RERE: variants seen among roughly 807,000 people sequenced by gnomAD.
RERE encodes the protein arginine-glutamic acid dipeptide repeats, also known as arginine-glutamic acid dipeptide repeats protein.
RERE carries 40 observed loss-of-function variants against 146.1 expected under a neutral mutation model. That is an observed-to-expected ratio of 0.27 (90% confidence interval 0.21 to 0.36). RERE has a LOEUF of 0.36. Among genes scored for constraint, RERE ranks in the 10% least tolerant of loss-of-function variants. The pLI, the probability that RERE is intolerant of heterozygous loss-of-function variation, is 1.00. For synonymous variants in RERE, 1,003 were observed against 866.0 expected (o/e 1.16, Z -2.78); for missense variants, 1,933 against 2,138.7 (o/e 0.90, Z 1.90).
At chr1:8,437,053 T>C (rs1644179299) in intron 11 of RERE, among the ~76,000 whole-genome samples, 1 of 152,216 alleles carries the variant, frequency 6.6e-6, no homozygotes, top group Non-Finnish European at 1.5e-5. Context: ...TATCATAAAT[T>C]CCTAAAATAA....
chr1:8,516,208 G>A (rs1032013313), intron 7 of RERE, among the ~76,000 whole-genome samples: 1 of 93,146 alleles, frequency 1.1e-5, no homozygotes, highest in Non-Finnish European at 2.0e-5. Flanking sequence ...CTGGGGGACG[G>A]AGCAAGACTC....
At chr1:8,498,469 G>A (rs552210855) in intron 8 of RERE, among the ~76,000 whole-genome samples, 9 of 151,982 alleles carry the variant, frequency 5.9e-5, no homozygotes, top group Admixed American at 5.9e-4. Flanking sequence ...GCTGAGGTGG[G>A]TGGATCACCT....
chr1:8,398,607 T>G (rs1259204796), intron 12 of RERE, among the ~76,000 whole-genome samples: 1 of 152,230 alleles, frequency 6.6e-6, no homozygotes, highest in African/African-American at 2.4e-5. Context: ...TCATGCGTAT[T>G]TATGTTTTGA....
chr1:8,368,281 C>G, intron 12 of RERE, among the ~76,000 whole-genome samples: 2 of 151,832 alleles, frequency 1.3e-5, no homozygotes. Context: ...ACCATCCTGG[C>G]TAACATGGTG....
At chr1:8,465,655 CTT>C in intron 11 of RERE, 1 of 525,308 alleles carries the variant, frequency 1.9e-6, no homozygotes, top group South Asian at 1.6e-5. Flanking sequence ...TTCAAATTAA[CTT>C]TTTTTAGGAG....
rs115815377 is a variant in RERE at position 8,594,752 on chromosome 1, A to C, written c.522+19809T>G. ...TTTAGCATAAATAAGACTTCTGAGA[A>C]TCACTGGCAATCAGATGCGCTCTGA... On this transcript the variant is annotated intron_variant, in intron 4 of 22. Transcript: ENST00000400908. Among the ~76,000 whole-genome samples, 480 of 152,338 alleles carry C rather than the reference A, an allele frequency of 3.2e-3. 2 individuals are homozygous for C. The highest frequency in any genetic ancestry group is 0.011 in the African/African-American group (458 of 41,582).
At chr1:8,615,433 A>G (rs1646841542) in intron 3 of RERE, among the ~76,000 whole-genome samples, 1 of 152,224 alleles carries the variant, frequency 6.6e-6, no homozygotes, top group Admixed American at 6.5e-5. Context: ...AACCAGGAAA[A>G]AAAAGACTAT....
intron 1 of RERE, among the ~76,000 whole-genome samples, chr1:8,668,467 T>C (rs1002391376): frequency 1.3e-5 from 2 of 152,162 alleles, no homozygotes; most frequent in Admixed American, 6.5e-5. Flanking sequence ...CAAATGCCGA[T>C]GAAACCAAAT....
At chr1:8,427,767 G>C (rs533044378) in intron 11 of RERE, among the ~76,000 whole-genome samples, 1 of 152,118 alleles carries the variant, frequency 6.6e-6, no homozygotes, top group African/African-American at 2.4e-5. Context: ...TTAGCTTGTG[G>C]TTTACCAGAA....
At chr1:8,482,903 G>A (rs1418001446) in intron 10 of RERE, among the ~76,000 whole-genome samples, 1 of 152,052 alleles carries the variant, frequency 6.6e-6, no homozygotes, top group Non-Finnish European at 1.5e-5. Flanking sequence ...ATATTATTAT[G>A]CTAATAATCA....
At chr1:8,465,543 A>C (rs1428043166) in intron 11 of RERE, 1 of 348,446 alleles carries the variant, frequency 2.9e-6, no homozygotes, top group Non-Finnish European at 5.7e-6. Flanking sequence ...TGATTAAAAA[A>C]AAGACAAGTC....
rs554032737 is a variant in RERE, at chr1:8,373,399, G to A, written c.1285-7425C>T. 2.6e-5 allele frequency among the ~76,000 whole-genome samples: 4 copies of A among 152,226 alleles called. No homozygotes were observed. In the South Asian group the frequency reaches 8.3e-4, roughly 32 times the overall value. ...TGGTGGTCCACGTAAAGGGGATGAA[G>A]AAATCCACCCCTTCCTTACTGAAGT... is the stretch of plus-strand genomic sequence containing the variant. On this transcript the variant is annotated intron_variant, in intron 12 of 22. Coordinates refer to ENST00000400908, the MANE Select transcript of RERE (RefSeq NM_001042681.2).
Position 8,503,690 on chromosome 1 carries a change from T to C in RERE, c.879+4937A>G, listed in dbSNP as rs1348880121. 3.3e-5 allele frequency among the ~76,000 whole-genome samples: 5 copies of C among 152,260 alleles called. No homozygotes were observed. In the East Asian group the frequency reaches 7.7e-4, roughly 23 times the overall value. ...AGGGAATGAAAATAAGAAGCTTAAATAATAATAATCTCATTAAAACTACAC... is the reference window on the plus strand; with the variant it reads ...AGGGAATGAAAATAAGAAGCTTAAACAATAATAATCTCATTAAAACTACAC... On this transcript the variant is annotated intron_variant, in intron 8 of 22. Coordinates refer to ENST00000400908, the MANE Select transcript of RERE (RefSeq NM_001042681.2).
chr1:8,480,763 TA>T (rs1210747764), intron 10 of RERE, among the ~76,000 whole-genome samples: 1 of 152,132 alleles, frequency 6.6e-6, no homozygotes, highest in African/African-American at 2.4e-5. Context: ...GTAAAAAGGC[TA>T]AAGGTTTTTT....
At chr1:8,534,490 C>T (rs367742477) in intron 7 of RERE, among the ~76,000 whole-genome samples, 2 of 152,086 alleles carry the variant, frequency 1.3e-5, no homozygotes, top group Non-Finnish European at 2.9e-5. Context: ...TACAAACACA[C>T]GCACTCCCTA....
At chr1:8,716,377 G>A (rs1639765616) in intron 1 of RERE, among the ~76,000 whole-genome samples, 1 of 151,808 alleles carries the variant, frequency 6.6e-6, no homozygotes, top group South Asian at 2.1e-4. Context: ...TTGAGAGCCT[G>A]AAGGATCACT....
At chr1:8,774,019 C>T (rs1047484588) in intron 1 of RERE, among the ~76,000 whole-genome samples, 8 of 152,150 alleles carry the variant, frequency 5.3e-5, no homozygotes, top group African/African-American at 1.9e-4. Context: ...CAACAGGATC[C>T]TATCATAATC....
At chr1:8,768,107 G>A (rs1640882256) in intron 1 of RERE, among the ~76,000 whole-genome samples, 1 of 152,214 alleles carries the variant, frequency 6.6e-6, no homozygotes, top group Non-Finnish European at 1.5e-5. Context: ...ATGACTTCAT[G>A]AGGCATCCAT....
At chr1:8,370,752 T>C (rs113121828) in intron 12 of RERE, among the ~76,000 whole-genome samples, 5,366 of 152,218 alleles carry the variant, frequency 0.035, 134 homozygotes, top group Non-Finnish European at 0.057. Flanking sequence ...ATGAAGTCAA[T>C]TGAACTTTAA....
Sources: gnomAD v4.1 joint callset for allele counts (sites outside exome capture counted in the v4.1 genomes callset) on GRCh38, gnomAD v4.1.1 for gene constraint, MANE v1.5 for transcripts, NCBI Gene and HGNC (gene_info 2026-07-23, HGNC 2026-07-21) for gene names.